The following PRKG1 variants were observed in gnomAD, a reference collection of about 807,000 sequenced individuals.
The protein encoded by PRKG1 is protein kinase cGMP-dependent 1.
A neutral mutation model predicts 88.1 loss-of-function variants in PRKG1; 35 were observed. That is an observed-to-expected ratio of 0.40 (90% CI 0.30 to 0.53). The LOEUF (loss-of-function observed/expected upper bound fraction) is 0.53, where lower values mean the gene tolerates loss of function less well. Among genes scored for constraint, PRKG1 ranks in the 20% least tolerant of loss-of-function variants. The probability of loss-of-function intolerance (pLI) is 0.59; values close to 1 mark genes in which losing one functional copy is unlikely to be tolerated. For synonymous variants in PRKG1, 303 were observed against 292.5 expected (o/e 1.04, Z -0.37); for missense variants, 540 against 839.8 (o/e 0.64, Z 4.41).
chr10:52,051,754 GGA>G (rs1041504713), intron 5 of PRKG1, among the ~76,000 whole-genome samples: 4 of 152,326 alleles, frequency 2.6e-5, no homozygotes, highest in African/African-American at 9.6e-5. Flanking sequence ...GCCTTTCCCT[GGA>G]GAAGCAGCAA....
intron 4 of PRKG1, among the ~76,000 whole-genome samples, chr10:51,895,276 C>G (rs889144839): frequency 6.6e-6 from 1 of 152,184 alleles, no homozygotes; most frequent in African/African-American, 2.4e-5. Flanking sequence ...CAAAAGGCTC[C>G]TCTTTAGAGC....
At chr10:51,686,873 T>C (rs946053810) in intron 3 of PRKG1, among the ~76,000 whole-genome samples, 2 of 152,128 alleles carry the variant, frequency 1.3e-5, no homozygotes, top group African/African-American at 4.8e-5. Flanking sequence ...GTAGCTGTGA[T>C]TACAGGTGCC....
intron 3 of PRKG1, among the ~76,000 whole-genome samples, chr10:51,593,274 T>C (rs1838357756): frequency 1.3e-5 from 2 of 152,308 alleles, no homozygotes; most frequent in African/African-American, 4.8e-5. Flanking sequence ...AGAGAAATGC[T>C]GATTTCCTTT....
intron 4 of PRKG1, among the ~76,000 whole-genome samples, chr10:51,837,093 A>T (rs1400426955): frequency 3.3e-5 from 5 of 152,152 alleles, no homozygotes; most frequent in Admixed American, 2.0e-4. Context: ...CTCTTCTGCT[A>T]TTGAGGCTTG....
intron 5 of PRKG1, among the ~76,000 whole-genome samples, chr10:51,940,563 C>T (rs1369289410): frequency 6.6e-6 from 1 of 151,734 alleles, no homozygotes; most frequent in Non-Finnish European, 1.5e-5. Flanking sequence ...ATGGGCCCTA[C>T]CTCTCATGTA....
intron 17 of PRKG1, among the ~76,000 whole-genome samples, chr10:52,293,032 C>A (rs1366499153): frequency 6.6e-6 from 1 of 152,044 alleles, no homozygotes; most frequent in Non-Finnish European, 1.5e-5. Flanking sequence ...AGCCCAAAAT[C>A]TCCTTAAGCT....
chr10:51,238,809 C>T (rs1352524280), intron 2 of PRKG1, among the ~76,000 whole-genome samples: 1 of 151,238 alleles, frequency 6.6e-6, no homozygotes, highest in Admixed American at 6.6e-5. Context: ...ATAGGCCCTT[C>T]ACATTTAGAA....
intron 7 of PRKG1, among the ~76,000 whole-genome samples, chr10:52,087,110 C>A (rs1343618713): frequency 6.6e-6 from 1 of 152,086 alleles, no homozygotes; most frequent in Non-Finnish European, 1.5e-5. Context: ...ACAGCCAAAC[C>A]ATGCCAGATA....
chr10:51,386,646 C>G (rs932868329), intron 2 of PRKG1, among the ~76,000 whole-genome samples: 1 of 152,146 alleles, frequency 6.6e-6, no homozygotes, highest in African/African-American at 2.4e-5. Flanking sequence ...GAAATCTGCT[C>G]TACTCAGCCT....
chr10:51,372,118 A>T (rs1018106441), intron 2 of PRKG1, among the ~76,000 whole-genome samples: 27 of 152,178 alleles, frequency 1.8e-4, no homozygotes, highest in African/African-American at 6.5e-4. Flanking sequence ...ATTTCATGTC[A>T]TGTTGGTTAT....
intron 5 of PRKG1, among the ~76,000 whole-genome samples, chr10:52,024,367 A>C (rs893536334): frequency 6.6e-6 from 1 of 151,062 alleles, no homozygotes; most frequent in African/African-American, 2.4e-5. Context: ...TCTAGGGTAC[A>C]TGTGCACAAC....
At chr10:52,057,310 G>A (rs940352934) in intron 6 of PRKG1, among the ~76,000 whole-genome samples, 1 of 152,126 alleles carries the variant, frequency 6.6e-6, no homozygotes, top group African/African-American at 2.4e-5. Context: ...CATTAAGCCT[G>A]TGCTATCTGA....
chr10:51,052,740 G>T (rs1843579068), intron 1 of PRKG1, among the ~76,000 whole-genome samples: 1 of 152,150 alleles, frequency 6.6e-6, no homozygotes, highest in South Asian at 2.1e-4. Flanking sequence ...TATGTTCAAT[G>T]TAGAGGCTTT....
intron 5 of PRKG1, among the ~76,000 whole-genome samples, chr10:51,984,036 T>G (rs140879447): frequency 4.3e-4 from 66 of 152,358 alleles, no homozygotes; most frequent in African/African-American, 1.5e-3. Context: ...GAACTCACAG[T>G]CACTTACGTT....
In PRKG1 at chr10:52,293,842, C is replaced by T; in HGVS notation, c.2003C>T (p.Pro668Leu). 1 of 1,613,314 alleles carries T rather than the reference C, an allele frequency of 6.2e-7. No individual in the cohort carries two copies. Among genetic ancestry groups the T allele is most frequent in the South Asian group, 1.1e-5 (1 of 91,026 alleles). Residue 668 changes from proline (P) to leucine (L), a missense_variant, in exon 18 of 18, where the codon CCT becomes CTT. Around this residue, in one of 5 missense-constraint regions of PRKG1, gnomAD observed 97 missense variants for 210.6 expected, o/e 0.46. Transcript: ENST00000373980. ...PTDTSNFDSF[P>L]EDNDEPPPDD... Reference sequence around the variant, plus strand: ...GACACAAGTAATTTTGACAGTTTCCCTGAGGACAACGATGAACCACCACCT... The same window carrying T: ...GACACAAGTAATTTTGACAGTTTCCTTGAGGACAACGATGAACCACCACCT...
intron 3 of PRKG1, among the ~76,000 whole-genome samples, chr10:51,644,084 T>G (rs1839862139): frequency 6.6e-6 from 1 of 152,206 alleles, no homozygotes; most frequent in Admixed American, 6.5e-5. Flanking sequence ...TCACCATAAT[T>G]ACAATGCCAA....
chr10:51,262,656 C>T (rs776680348), intron 2 of PRKG1, among the ~76,000 whole-genome samples: 2 of 152,214 alleles, frequency 1.3e-5, no homozygotes, highest in African/African-American at 4.8e-5. Context: ...AATTGACTCA[C>T]AGTTCCACAG....
chr10:52,022,920 TG>T (rs534742374), intron 5 of PRKG1, among the ~76,000 whole-genome samples: 106 of 152,204 alleles, frequency 7.0e-4, no homozygotes, highest in African/African-American at 2.4e-3. Context: ...TAGGTGAGGG[TG>T]TTTTTTTAAT....
chr10:52,155,637 G>T (rs2174259), intron 8 of PRKG1, among the ~76,000 whole-genome samples: 2 of 150,938 alleles, frequency 1.3e-5, no homozygotes, highest in Non-Finnish European at 3.0e-5. Context: ...ACATGCCAAA[G>T]TGTTAACGTT....
Sources: allele counts gnomAD v4.1 joint callset (sites outside exome capture counted in the v4.1 genomes callset), GRCh38; gene constraint gnomAD v4.1.1; regional missense constraint gnomAD v4.1.1; transcripts MANE v1.5; gene names NCBI Gene and HGNC (gene_info 2026-07-23, HGNC 2026-07-21).